Variants in PSMD11 observed in about 807,000 individuals in gnomAD.
The protein encoded by PSMD11 is proteasome 26S subunit, non-ATPase 11.
In PSMD11, 5 loss-of-function variants were observed where a neutral mutation model predicts 62.3. The observed-to-expected ratio is 0.08, with a 90% confidence interval of 0.04 to 0.17. The LOEUF (loss-of-function observed/expected upper bound fraction) is 0.17. Among genes scored for constraint, PSMD11 ranks in the 10% least tolerant of loss-of-function variants. The pLI is 1.00. For synonymous variants in PSMD11, 191 were observed against 191.8 expected, an observed-to-expected ratio of 1.00 and a Z score of 0.03; for missense variants, 310 against 512.9, an observed-to-expected ratio of 0.60 and a Z score of 3.82.
intron 2 of PSMD11, among the ~76,000 whole-genome samples, chr17:32,453,168 A>G (rs1907556973): frequency 6.6e-6 from 1 of 152,162 alleles, no homozygotes; most frequent in Non-Finnish European, 1.5e-5. Flanking sequence ...GCTTCAGACT[A>G]CTTTTAAAAA....
Position 32,464,549 on chromosome 17 carries a change from C to G in PSMD11, c.419C>G (p.Thr140Ser), listed in dbSNP as rs142904428. ...EARLVSLYFD[T>S]KRYQEALHLG... ...AGACTGGTGTCTTTGTACTTTGATA[C>G]CAAGAGGTACCAGGAAGCATTGCAT... is the stretch of plus-strand genomic sequence containing the variant. The change falls in exon 5 of 14, where the codon ACC becomes AGC. Residue 140 changes from threonine (T) to serine (S), a missense_variant. By Grantham distance (58) the Thr-to-Ser change is moderately conservative. Coordinates refer to ENST00000261712, the MANE Select transcript of PSMD11 (RefSeq NM_002815.4). 1 of 1,608,676 alleles carries G rather than the reference C, an allele frequency of 6.2e-7. No homozygotes were observed. Among genetic ancestry groups the G allele is most frequent in the Non-Finnish European group, 8.5e-7 (1 of 1,176,676 alleles).
At position 32,477,560 on chromosome 17, in the gene PSMD11, A is replaced by C; in HGVS notation, c.889A>C (p.Arg297=). 1 of 1,611,390 alleles carries C rather than the reference A, an allele frequency of 6.2e-7. No homozygotes were observed. The highest frequency in any genetic ancestry group is 8.5e-7 in the Non-Finnish European group (1 of 1,178,646). The change falls in exon 9 of 14, where the codon AGA becomes CGA. Residue 297 remains arginine (R), a synonymous_variant. Transcript: ENST00000261712. The part of the protein sequence containing the change: ...LKCVAQASKN[R]SLADFEKALT... ...ATGCGTGGCTCAGGCTAGCAAGAACAGATCACTGGCAGATTTTGAAAAGGT... is the reference window on the plus strand; with the variant it reads ...ATGCGTGGCTCAGGCTAGCAAGAACCGATCACTGGCAGATTTTGAAAAGGT...
chr17:32,472,693 A>G (rs1485853639), intron 6 of PSMD11, among the ~76,000 whole-genome samples: 2 of 151,708 alleles, frequency 1.3e-5, no homozygotes, highest in Admixed American at 1.3e-4. Flanking sequence ...GCCCGCCACC[A>G]TGCCTGGCTG....
At chr17:32,480,312 T>C in intron 12 of PSMD11, 115 bp downstream of exon 12, 1 of 1,471,108 alleles carries the variant, frequency 6.8e-7, no homozygotes, top group South Asian at 1.2e-5. Flanking sequence ...CCTGGGGTCC[T>C]GGCCCCTCTT....
At chr17:32,471,820 G>T (rs1908170705) in intron 6 of PSMD11, among the ~76,000 whole-genome samples, 1 of 151,902 alleles carries the variant, frequency 6.6e-6, no homozygotes, top group Non-Finnish European at 1.5e-5. Flanking sequence ...CAGAGACTTG[G>T]ATTCTCATCT....
chr17:32,451,749 G>GT (rs1261506331), intron 2 of PSMD11, among the ~76,000 whole-genome samples: 4 of 149,832 alleles, frequency 2.7e-5, no homozygotes, highest in South Asian at 4.2e-4. Context: ...GTTTTGTTTT[G>GT]TTTTTTTGAG....
chr17:32,454,084 A>G (rs547410214), intron 2 of PSMD11, among the ~76,000 whole-genome samples: 7 of 152,306 alleles, frequency 4.6e-5, no homozygotes, highest in African/African-American at 1.7e-4. Context: ...TTAGAAAAAA[A>G]TTACCCCTAT....
chr17:32,456,694 TAA>T (rs1291593377), intron 3 of PSMD11, among the ~76,000 whole-genome samples: 2 of 152,248 alleles, frequency 1.3e-5, no homozygotes, highest in East Asian at 3.9e-4. Flanking sequence ...CACGCCTGGC[TAA>T]GTTTTTGTAA....
chr17:32,467,262 T>C (rs1456501498), intron 5 of PSMD11, among the ~76,000 whole-genome samples: 5 of 131,824 alleles, frequency 3.8e-5, no homozygotes, highest in East Asian at 2.3e-4. Flanking sequence ...TTTTTTTTTT[T>C]CTTGAGACAC....
chr17:32,479,624 G>A, intron 10 of PSMD11: 1 of 702,104 alleles, frequency 1.4e-6, no homozygotes, highest in East Asian at 2.7e-5. Flanking sequence ...CACTGCATGT[G>A]TTGTACCTGT....
chr17:32,479,787 C>T, intron 10 of PSMD11, 64 bp from the exon 11 acceptor site: 1 of 1,546,128 alleles, frequency 6.5e-7, no homozygotes, highest in Non-Finnish European at 8.9e-7. Context: ...CTGTTCCCTC[C>T]CTTCTCTTAT....
Position 32,469,939 on chromosome 17 carries a change from G to T in PSMD11, c.643+746G>T, listed in dbSNP as rs571673252. Reference sequence around the variant, plus strand: ...TTATGTTTAGCTCATCTGTAAAATGGTAATAATTGGCACATGATAGAGCCT... The same window carrying T: ...TTATGTTTAGCTCATCTGTAAAATGTTAATAATTGGCACATGATAGAGCCT... On this transcript the variant is annotated intron_variant, in intron 6 of 13. Transcript: ENST00000261712. Among the ~76,000 whole-genome samples the T allele has an allele frequency of 3.9e-5, 6 of 152,156 alleles. No homozygotes were observed. The South Asian group carries it at 1.2e-3, about 32-fold the overall frequency.
chr17:32,465,616 G>A (rs1413909525), intron 5 of PSMD11, among the ~76,000 whole-genome samples: 1 of 152,116 alleles, frequency 6.6e-6, no homozygotes, highest in African/African-American at 2.4e-5. Flanking sequence ...CACTTTTAAA[G>A]TGTATAATCC....
intron 8 of PSMD11, among the ~76,000 whole-genome samples, chr17:32,475,079 G>C (rs1177210759): frequency 6.6e-6 from 1 of 152,176 alleles, no homozygotes; most frequent in African/African-American, 2.4e-5. Flanking sequence ...AGCATTTGCA[G>C]TGAGTTAGTT....
At chr17:32,476,622 A>ATC (rs1908330197) in intron 8 of PSMD11, 1 of 152,204 alleles carries the variant, frequency 6.6e-6, no homozygotes, top group Non-Finnish European at 1.5e-5. Flanking sequence ...AATCTCCCAG[A>ATC]AAGATGAGTG....
In PSMD11 at chr17:32,469,145, G is replaced by A; in HGVS notation, c.595G>A (p.Ala199Thr). Residue 199 changes from alanine (A) to threonine (T), a missense_variant, in exon 6 of 14, where the codon GCC (alanine) becomes ACC (threonine). Around this residue, in one of 6 missense-constraint regions of PSMD11, gnomAD observed 47 missense variants for 117.7 expected, o/e 0.40. Transcript: ENST00000261712. ...ALTSARTTAN[A>T]IYCPPKLQAT... is the part of the protein sequence containing the mutation. ...AACTTCTGCTCGAACCACAGCAAAT[G>A]CCATCTACTGCCCCCCTAAATTGCA... 1.9e-6 allele frequency: 3 copies of A among 1,614,110 alleles called. No homozygotes were observed. In the South Asian group the frequency reaches 3.3e-5, roughly 18 times the overall value.
Position 32,480,207 on chromosome 17 carries a change from A to G in PSMD11, c.1126+10A>G. The G allele has an allele frequency of 6.2e-7, 1 of 1,610,572 alleles. No individual in the cohort carries two copies. Among genetic ancestry groups the G allele is most frequent in the South Asian group, 1.1e-5 (1 of 91,030 alleles). ...GACAAGAAATTTCATGGTAAGTAAC[A>G]GTCACACAGGCAAGGGGGCTGGTGG... On this transcript the variant is annotated intron_variant, in intron 12 of 13. Transcript: ENST00000261712.
At chr17:32,475,759 C>T (rs1372273503) in intron 8 of PSMD11, among the ~76,000 whole-genome samples, 11 of 151,838 alleles carry the variant, frequency 7.2e-5, no homozygotes, top group African/African-American at 1.2e-4. Flanking sequence ...CCACTATGCC[C>T]GGCTAATTTT....
intron 2 of PSMD11, among the ~76,000 whole-genome samples, chr17:32,451,073 A>G (rs901934075): frequency 6.6e-6 from 1 of 150,696 alleles, no homozygotes; most frequent in Non-Finnish European, 1.5e-5. Flanking sequence ...GTGAGCCACA[A>G]TTGTGCCATT....
Sources: allele counts gnomAD v4.1 joint callset (sites outside exome capture counted in the v4.1 genomes callset), GRCh38; gene constraint gnomAD v4.1.1; regional missense constraint gnomAD v4.1.1; transcripts MANE v1.5; gene names NCBI Gene and HGNC (gene_info 2026-07-23, HGNC 2026-07-21).